MAST4: variants seen among roughly 807,000 people sequenced by gnomAD.
MAST4 encodes the protein microtubule associated serine/threonine kinase family member 4.
MAST4 carries 89 observed loss-of-function variants against 162.7 expected under a neutral mutation model. The observed-to-expected ratio is 0.55, with a 90% CI of 0.46 to 0.65. The LOEUF (loss-of-function observed/expected upper bound fraction) is 0.65. MAST4 is among the 30% of genes least tolerant of loss of function. MAST4 has a pLI of 0.00. For missense variants in MAST4, 3,153 were observed against 3,374.0 expected, an observed-to-expected ratio of 0.93 and a Z score of 1.62; for synonymous variants, 1,479 against 1,361.1, an observed-to-expected ratio of 1.09 and a Z score of -1.91.
intron 1 of MAST4, among the ~76,000 whole-genome samples, chr5:66,707,435 A>G (rs1226265648): frequency 6.6e-6 from 1 of 152,138 alleles, no homozygotes; most frequent in Non-Finnish European, 1.5e-5. Flanking sequence ...ACCACCAACA[A>G]GGGGGCCTTA....
At chr5:67,093,141 TG>T (rs1764050034) in intron 6 of MAST4, among the ~76,000 whole-genome samples, 1 of 152,214 alleles carries the variant, frequency 6.6e-6, no homozygotes, top group South Asian at 2.1e-4. Context: ...TCTAAATTTT[TG>T]TGAGTGGTAT....
chr5:66,636,733 G>A (rs971766508), intron 1 of MAST4, among the ~76,000 whole-genome samples: 6 of 152,292 alleles, frequency 3.9e-5, no homozygotes, highest in African/African-American at 1.4e-4. Flanking sequence ...AAATGGCCAG[G>A]ATATATGGTA....
chr5:66,911,634 G>T (rs1763784928), intron 4 of MAST4, among the ~76,000 whole-genome samples: 1 of 143,672 alleles, frequency 7.0e-6, no homozygotes, highest in Non-Finnish European at 1.5e-5. Flanking sequence ...TACTAGGGAG[G>T]CTGAGGCTGG....
chr5:66,871,592 T>G (rs761236599), intron 3 of MAST4, among the ~76,000 whole-genome samples: 2 of 152,238 alleles, frequency 1.3e-5, no homozygotes, highest in African/African-American at 4.8e-5. Flanking sequence ...TGTAACAGAC[T>G]TTAATTGAAC....
chr5:66,716,929 A>G (rs1750877140), intron 1 of MAST4, among the ~76,000 whole-genome samples: 1 of 152,236 alleles, frequency 6.6e-6, no homozygotes, highest in Non-Finnish European at 1.5e-5. Flanking sequence ...TTCAACAAAC[A>G]CATGTCTCCT....
chr5:66,931,810 A>G (rs1032310356), intron 4 of MAST4, among the ~76,000 whole-genome samples: 1 of 152,184 alleles, frequency 6.6e-6, no homozygotes, highest in Non-Finnish European at 1.5e-5. Flanking sequence ...GCGCAGGACT[A>G]TAATAGTTTC....
intron 1 of MAST4, among the ~76,000 whole-genome samples, chr5:66,614,079 GC>G (rs1301597072): frequency 6.6e-6 from 1 of 152,188 alleles, no homozygotes; most frequent in Non-Finnish European, 1.5e-5. Context: ...AAATGTCTAA[GC>G]CAGGATGGAA....
chr5:66,872,145 T>C (rs552040004), intron 3 of MAST4, among the ~76,000 whole-genome samples: 1 of 129,270 alleles, frequency 7.7e-6, no homozygotes, highest in East Asian at 2.1e-4. Flanking sequence ...GTATAGGATA[T>C]AAATTTTTTG....
At chr5:67,078,941 T>TATATA (rs1263335945) in intron 5 of MAST4, among the ~76,000 whole-genome samples, 2 of 97,432 alleles carry the variant, frequency 2.1e-5, no homozygotes, top group African/African-American at 4.9e-5. Flanking sequence ...TATATATATA[T>TATATA]ATATATATAT....
At chr5:66,746,288 C>T (rs1304228831) in intron 1 of MAST4, among the ~76,000 whole-genome samples, 5 of 152,140 alleles carry the variant, frequency 3.3e-5, no homozygotes, top group African/African-American at 9.7e-5. Context: ...GGAGTCTTCT[C>T]AGACTGGGGA....
chr5:66,629,287 G>C (rs1004754571), intron 1 of MAST4, among the ~76,000 whole-genome samples: 7 of 152,140 alleles, frequency 4.6e-5, no homozygotes, highest in African/African-American at 1.7e-4. Context: ...GCAAATTCTG[G>C]TTTTGACACT....
At chr5:67,106,854 T>A (rs1009278633) in intron 10 of MAST4, among the ~76,000 whole-genome samples, 16 of 152,172 alleles carry the variant, frequency 1.1e-4, no homozygotes, top group Non-Finnish European at 2.2e-4. Flanking sequence ...GTTCAGTGCC[T>A]GGTGTTTATC....
intron 1 of MAST4, among the ~76,000 whole-genome samples, chr5:66,600,971 G>A (rs1251064397): frequency 6.6e-6 from 1 of 152,122 alleles, no homozygotes; most frequent in Non-Finnish European, 1.5e-5. Flanking sequence ...GTTAGGAAAT[G>A]GTTTCTCTTA....
rs1773441711 is a variant in MAST4, at chr5:67,163,304, A to C, written c.4125A>C (p.Pro1375=). 1 of 1,613,034 alleles carries C rather than the reference A, an allele frequency of 6.2e-7. No homozygotes were observed. The highest frequency in any genetic ancestry group is 2.2e-5 in the East Asian group (1 of 44,838). The change falls in exon 29 of 29, where the codon CCA becomes CCC. Residue 1375 remains proline (P), a synonymous_variant. Transcript: ENST00000403625. The surrounding 1 kb of genome is among the most constrained non-coding windows in gnomAD (Gnocchi z 7.0). The stretch of plus-strand genomic sequence containing the variant: ...GGCGAAAGTCCGCCGGCAACATCCC[A>C]CTGTCCCCGCTGGCCCGGACGCCCT... ...SGRRKSAGNI[P]LSPLARTPSP... is the part of the protein sequence containing the mutation.
chr5:66,714,692 G>A (rs886387982), intron 1 of MAST4, among the ~76,000 whole-genome samples: 3 of 152,222 alleles, frequency 2.0e-5, no homozygotes, highest in Middle Eastern at 3.2e-3. Flanking sequence ...TTTTTCTGCT[G>A]TTACTGCTTT....
intron 8 of MAST4, among the ~76,000 whole-genome samples, chr5:67,101,784 T>A (rs375664887): frequency 6.6e-6 from 1 of 152,002 alleles, no homozygotes; most frequent in Non-Finnish European, 1.5e-5. Flanking sequence ...CTATTTCATC[T>A]ACAGGCACCA....
intron 4 of MAST4, among the ~76,000 whole-genome samples, chr5:66,990,601 T>A (rs1749973849): frequency 6.6e-6 from 1 of 152,186 alleles, no homozygotes; most frequent in South Asian, 2.1e-4. Flanking sequence ...ATCATGCCAC[T>A]GCACTCCAGC....
In MAST4 at chr5:66,788,677, CCTT is replaced by C; in HGVS notation, c.530_532del (p.Leu177del). ...TCTCTTTAACTCCAACAGGGAGGTA[CCTT>C]CTTCCAAACCCGGTGGCGGGACAGG... On this transcript the variant is annotated inframe_deletion, in exon 3 of 29. Transcript: ENST00000403625. The C allele has an allele frequency of 6.6e-7, 1 of 1,520,168 alleles. No individual in the cohort carries two copies. Among genetic ancestry groups the C allele is most frequent in the Admixed American group, 1.8e-5 (1 of 55,344 alleles). 94.2% of individuals were successfully genotyped at this position (1,520,168 alleles called of 1,614,324 possible).
intron 1 of MAST4, among the ~76,000 whole-genome samples, chr5:66,599,061 G>C (rs6449826): frequency 6.6e-6 from 1 of 152,038 alleles, no homozygotes; most frequent in African/African-American, 2.4e-5. Flanking sequence ...CTTAACCTGC[G>C]GCATGGGATG....
Sources: gnomAD v4.1 joint callset for allele counts (sites outside exome capture counted in the v4.1 genomes callset) on GRCh38, gnomAD v4.1.1 for gene constraint, Gnocchi (gnomAD v3.1) non-coding constraint, MANE v1.5 for transcripts, NCBI Gene and HGNC (gene_info 2026-07-23, HGNC 2026-07-21) for gene names.